MALRD1: variants seen among roughly 807,000 people sequenced by gnomAD.
MALRD1 encodes MAM and LDL receptor class A domain containing 1, also known as MAM and LDL-receptor class A domain-containing protein 1.
MALRD1 carries 247 observed loss-of-function variants against 242.1 expected under a neutral mutation model. The observed-to-expected ratio is 1.02, with a 90% CI of 0.92 to 1.13. The LOEUF (loss-of-function observed/expected upper bound fraction) is 1.13, where lower values mean the gene tolerates loss of function less well. MALRD1 is among the 50% of genes most tolerant of loss of function. MALRD1 has a pLI of 0.00. For synonymous variants in MALRD1, 995 were observed against 866.6 expected (o/e 1.15, Z -2.60); for missense variants, 2,989 against 2,533.1 (o/e 1.18, Z -3.86).
At chr10:19,540,734 GA>G (rs530910286) in intron 32 of MALRD1, among the ~76,000 whole-genome samples, 2 of 151,668 alleles carry the variant, frequency 1.3e-5, no homozygotes, top group South Asian at 2.1e-4. Context: ...AAGAGAAGTG[GA>G]AAAAAAACCT....
At chr10:19,667,847 G>T (rs1208073070) in intron 36 of MALRD1, among the ~76,000 whole-genome samples, 1 of 152,044 alleles carries the variant, frequency 6.6e-6, no homozygotes, top group Non-Finnish European at 1.5e-5. Context: ...CCATAGAAGG[G>T]GTAACTTATA....
intron 24 of MALRD1, among the ~76,000 whole-genome samples, chr10:19,336,863 G>A (rs1257391580): frequency 6.6e-6 from 1 of 151,850 alleles, no homozygotes; most frequent in Non-Finnish European, 1.5e-5. Context: ...TCAAAACCCT[G>A]CCAAGAATAA....
intron 7 of MALRD1, among the ~76,000 whole-genome samples, chr10:19,125,790 T>C (rs528791645): frequency 9.6e-4 from 146 of 152,188 alleles, no homozygotes; most frequent in Non-Finnish European, 1.6e-3. Flanking sequence ...TTTAAAGAGT[T>C]TTAAAGTCAA....
At chr10:19,693,166 G>A (rs2148616) in intron 38 of MALRD1, among the ~76,000 whole-genome samples, 64,685 of 150,874 alleles carry the variant, frequency 0.43, 14,013 homozygotes, top group Non-Finnish European at 0.45. Flanking sequence ...AACTGGCACA[G>A]GACAGGGATG....
intron 18 of MALRD1, among the ~76,000 whole-genome samples, chr10:19,216,115 C>G (rs866288499): frequency 8.7e-6 from 1 of 114,314 alleles, no homozygotes; most frequent in Non-Finnish European, 1.9e-5. Flanking sequence ...TTCTTTCTTT[C>G]TTTCTTTTTT....
chr10:19,222,300 T>C (rs1398642816), intron 18 of MALRD1, among the ~76,000 whole-genome samples: 2 of 152,146 alleles, frequency 1.3e-5, no homozygotes, highest in African/African-American at 4.8e-5. Flanking sequence ...ATGAGAAACA[T>C]AGACTTTGTG....
intron 32 of MALRD1, among the ~76,000 whole-genome samples, chr10:19,541,060 C>A (rs539811400): frequency 6.6e-6 from 1 of 152,202 alleles, no homozygotes; most frequent in Non-Finnish European, 1.5e-5. Context: ...TATTGTATTT[C>A]TTTTATTATT....
chr10:19,108,380 G>GTTT (rs1836547064), intron 5 of MALRD1, among the ~76,000 whole-genome samples: 5 of 21,276 alleles, frequency 2.4e-4, no homozygotes, highest in Non-Finnish European at 3.2e-4. Context: ...CTCATGAATT[G>GTTT]TTTTTTCTTT....
chr10:19,231,341 A>G (rs1279051186), intron 18 of MALRD1, among the ~76,000 whole-genome samples: 2 of 152,150 alleles, frequency 1.3e-5, no homozygotes, highest in East Asian at 1.9e-4. Flanking sequence ...ACCCAGTTAA[A>G]TGTTCTCTAC....
chr10:19,434,111 T>C (rs970617068), intron 28 of MALRD1, among the ~76,000 whole-genome samples: 3 of 152,202 alleles, frequency 2.0e-5, no homozygotes, highest in African/African-American at 7.2e-5. Context: ...TTAAAATTCC[T>C]CCTTCACCTT....
At chr10:19,180,926 G>T (rs1835475271) in intron 14 of MALRD1, among the ~76,000 whole-genome samples, 2 of 152,028 alleles carry the variant, frequency 1.3e-5, no homozygotes, top group African/African-American at 4.8e-5. Context: ...CTCCACAGAA[G>T]ACATAAAAAT....
Position 19,501,231 on chromosome 10 carries a change from T to G in MALRD1, c.5320+2585T>G, listed in dbSNP as rs141305967. ...GAAGGTGTCTCAACCTGGTTGCTAA[T>G]GACATTTGGGTCAGTCTAATTAATT... On this transcript the variant is annotated intron_variant, in intron 31 of 39. Coordinates refer to ENST00000454679, the MANE Select transcript of MALRD1 (RefSeq NM_001142308.3). Among the ~76,000 whole-genome samples, 371 of 152,304 alleles carry G rather than the reference T, an allele frequency of 2.4e-3. 7 individuals carry two copies. In the East Asian group the frequency reaches 0.051, roughly 21 times the overall value.
At chr10:19,571,868 A>G (rs939928054) in intron 33 of MALRD1, among the ~76,000 whole-genome samples, 10 of 152,132 alleles carry the variant, frequency 6.6e-5, no homozygotes, top group Admixed American at 6.6e-5. Flanking sequence ...TTATAACAAA[A>G]CATCCAGATT....
At chr10:19,719,191 C>CACATATATATAT (rs1564567174) in intron 38 of MALRD1, among the ~76,000 whole-genome samples, 2 of 33,422 alleles carry the variant, frequency 6.0e-5, no homozygotes, top group African/African-American at 1.9e-4. Context: ...TATATATATA[C>CACATATATATAT]ATACATATAT....
intron 38 of MALRD1, 37 bp from the exon 39 acceptor site, chr10:19,730,669 A>G (rs543196828): frequency 3.3e-6 from 5 of 1,524,418 alleles, no homozygotes; most frequent in Non-Finnish European, 4.4e-6. Flanking sequence ...GTAAATGTCA[A>G]TAGTTTTTTA....
chr10:19,376,554 T>A (rs911263613), intron 26 of MALRD1, among the ~76,000 whole-genome samples: 98 of 141,950 alleles, frequency 6.9e-4, no homozygotes, highest in Non-Finnish European at 1.2e-3. Context: ...TTTTTTTTTT[T>A]TTTTTTTTTT....
At chr10:19,375,570 G>A (rs1045617609) in intron 26 of MALRD1, among the ~76,000 whole-genome samples, 1 of 152,120 alleles carries the variant, frequency 6.6e-6, no homozygotes, top group African/African-American at 2.4e-5. Flanking sequence ...CTCCTACTAA[G>A]TTGGAAGGTA....
intron 18 of MALRD1, among the ~76,000 whole-genome samples, chr10:19,231,913 C>T (rs1411117337): frequency 2.6e-5 from 4 of 151,798 alleles, no homozygotes; most frequent in Non-Finnish European, 5.9e-5. Context: ...TTAAGCATGG[C>T]TAATATTTAT....
chr10:19,351,356 A>C (rs1471067191), intron 25 of MALRD1, among the ~76,000 whole-genome samples: 3 of 152,160 alleles, frequency 2.0e-5, no homozygotes, highest in Non-Finnish European at 4.4e-5. Flanking sequence ...TCTATGCAAC[A>C]TTGAAATATT....
Sources: gnomAD v4.1 joint callset for allele counts (sites outside exome capture counted in the v4.1 genomes callset) on GRCh38, gnomAD v4.1.1 for gene constraint, MANE v1.5 for transcripts, NCBI Gene and HGNC (gene_info 2026-07-23, HGNC 2026-07-21) for gene names.